The following TSPEAR variants were observed in gnomAD, a reference collection of about 807,000 sequenced individuals.
TSPEAR encodes thrombospondin type laminin G domain and EAR repeats.
A neutral mutation model predicts 71.6 loss-of-function variants in TSPEAR; 69 were observed. The observed-to-expected ratio is 0.96, with a 90% confidence interval of 0.79 to 1.18. The LOEUF is 1.18. TSPEAR is among the 50% of genes most tolerant of loss of function. The pLI is 0.00. For missense variants in TSPEAR, 971 were observed against 894.9 expected (o/e 1.09, Z -1.09); for synonymous variants, 402 against 387.2 (o/e 1.04, Z -0.45).
intron 1 of TSPEAR, among the ~76,000 whole-genome samples, chr21:44,625,238 G>T (rs797037943): frequency 2.0e-5 from 3 of 152,178 alleles, no homozygotes; most frequent in African/African-American, 7.2e-5. Flanking sequence ...TACCTTTGAA[G>T]AATGGGAGCT....
chr21:44,710,173 G>A lies in TSPEAR; in HGVS notation c.82+1260C>T, dbSNP rs1196757640. 6.6e-6 allele frequency among the ~76,000 whole-genome samples: 1 copy of A among 152,168 alleles called. No homozygotes were observed. Among genetic ancestry groups the A allele is most frequent in the Non-Finnish European group, 1.5e-5 (1 of 68,036 alleles). ...AGGCTGGCGCTGCGCCCTCCATCGC[G>A]TGAAGCCAGGGGATTTTGCTCTGCG... On this transcript the variant is annotated intron_variant, in intron 1 of 11. Coordinates refer to ENST00000323084, the MANE Select transcript of TSPEAR (RefSeq NM_144991.3). This position sits in a 1 kb window ranked among gnomAD's most constrained non-coding sequence, Gnocchi z 4.6.
At chr21:44,656,259 C>T (rs1193555053) in intron 1 of TSPEAR, among the ~76,000 whole-genome samples, 2 of 152,220 alleles carry the variant, frequency 1.3e-5, no homozygotes, top group Non-Finnish European at 1.5e-5. Flanking sequence ...GCTCCTTTAC[C>T]TTCCCCTGTT....
At position 44,710,538 on chromosome 21, in the gene TSPEAR, C is replaced by CG. The variant is rs765683433; in HGVS notation, c.82+894dup. On this transcript the variant is annotated intron_variant, in intron 1 of 11. Coordinates refer to ENST00000323084, the MANE Select transcript of TSPEAR (RefSeq NM_144991.3). The surrounding 1 kb of genome is among the most constrained non-coding windows in gnomAD (Gnocchi z 4.6). ...CGAGCAGAGAGCTGTGGCCCGGTGC[C>CG]GGGGGTGGACTTCATCTATTCCAGG... Among the ~76,000 whole-genome samples the CG allele has an allele frequency of 7.2e-4, 109 of 152,212 alleles. No homozygotes were observed. The highest frequency in any genetic ancestry group is 1.4e-3 in the Non-Finnish European group (92 of 67,990).
intron 1 of TSPEAR, chr21:44,646,386 T>G: frequency 1.3e-6 from 2 of 1,540,304 alleles, no homozygotes; most frequent in South Asian, 2.5e-5. Context: ...CCTGAGCACC[T>G]CACTCACTCA....
At position 44,617,331 on chromosome 21, in the gene TSPEAR, C is replaced by G. The variant is rs587690781; in HGVS notation, c.83-49326G>C. Among the ~76,000 whole-genome samples, 128 of 152,360 alleles carry G rather than the reference C, an allele frequency of 8.4e-4. 1 individual carries two copies. The highest frequency in any genetic ancestry group is 1.6e-3 in the Admixed American group (25 of 15,306). On this transcript the variant is annotated intron_variant, in intron 1 of 11. Coordinates refer to ENST00000323084, the MANE Select transcript of TSPEAR (RefSeq NM_144991.3). ...GCACGCTCACAGATGCTCAGGGGCG[C>G]CCTCTGCTCCAGCCCCAGGCTTGCC... is the stretch of plus-strand genomic sequence containing the variant.
At position 44,531,044 on chromosome 21, in the gene TSPEAR, A is replaced by G. The variant is rs949549090; in HGVS notation, c.632T>C (p.Met211Thr). The G allele has an allele frequency of 1.2e-6, 2 of 1,613,290 alleles. No homozygotes were observed. Among genetic ancestry groups the G allele is most frequent in the Non-Finnish European group, 1.7e-6 (2 of 1,179,850 alleles). ...GGAAGGCAGCCCCTCCATACTCGCC[A>G]TGAACAGGCCTTTGGCTCTCCTCCG... The part of the protein sequence containing the change: ...GSRRRAKGLF[M>T]GLVRQLVLLP... Residue 211 changes from methionine to threonine, a missense_variant and splice_region_variant, in exon 4 of 12, where the codon ATG becomes ACG. Physicochemically the swap from Met to Thr is moderately conservative, Grantham distance 81 (BLOSUM62 -1). Transcript: ENST00000323084.
At chr21:44,676,637 C>T (rs1986326198) in intron 1 of TSPEAR, 2 of 764,314 alleles carry the variant, frequency 2.6e-6, no homozygotes, top group South Asian at 2.7e-5. Context: ...AATTCCTGTT[C>T]TTGAACCCTA....
At chr21:44,622,628 C>T (rs915218618) in intron 1 of TSPEAR, among the ~76,000 whole-genome samples, 25 of 152,316 alleles carry the variant, frequency 1.6e-4, no homozygotes, top group African/African-American at 5.1e-4. Context: ...GGCTGTCATA[C>T]GCCGTCTTCC....
In TSPEAR at chr21:44,646,572, C is replaced by T. The variant is rs781839369; in HGVS notation, c.82+64861G>A. ...CCTGCAGCGCCCCCAGCTGCTGCGC[C>T]CCGGCCCCCTCCCTGAGCCTGGTCT... On this transcript the variant is annotated intron_variant, in intron 1 of 11. Coordinates refer to ENST00000323084, the MANE Select transcript of TSPEAR (RefSeq NM_144991.3). The T allele has an allele frequency of 2.5e-6, 4 of 1,612,404 alleles. No individual in the cohort carries two copies. The South Asian group carries it at 3.3e-5, about 13-fold the overall frequency.
At chr21:44,601,424 C>T (rs370274963) in intron 1 of TSPEAR, 15 of 1,611,722 alleles carry the variant, frequency 9.3e-6, no homozygotes, top group Middle Eastern at 1.6e-4. Context: ...TGCTGCGTGC[C>T]CGTCTGCTGT....
intron 1 of TSPEAR, among the ~76,000 whole-genome samples, chr21:44,624,843 T>C (rs1982665591): frequency 6.6e-6 from 1 of 152,198 alleles, no homozygotes; most frequent in Non-Finnish European, 1.5e-5. Context: ...GAAGAAATAT[T>C]AGACTCACTT....
At chr21:44,521,379 G>C (rs1243481975) in intron 9 of TSPEAR, among the ~76,000 whole-genome samples, 1 of 152,212 alleles carries the variant, frequency 6.6e-6, no homozygotes, top group South Asian at 2.1e-4. Context: ...CAAAGGTCTC[G>C]TGGTGGCTGG....
At chr21:44,626,230 G>A (rs1982768953) in intron 1 of TSPEAR, among the ~76,000 whole-genome samples, 1 of 152,234 alleles carries the variant, frequency 6.6e-6, no homozygotes, top group South Asian at 2.1e-4. Context: ...AATGTTCCTG[G>A]AAAGTGATCA....
At chr21:44,549,045 G>C (rs1409865268) in intron 2 of TSPEAR, among the ~76,000 whole-genome samples, 3 of 152,234 alleles carry the variant, frequency 2.0e-5, no homozygotes, top group African/African-American at 7.2e-5. Flanking sequence ...AGAGCACACA[G>C]AACAAAGGAG....
Position 44,671,244 on chromosome 21 carries a change from G to T in TSPEAR, c.82+40189C>A, listed in dbSNP as rs28522720. ...ACAACCACCACTTATATTAGGAAGT[G>T]CTGTCTGAGAGCCCAAAGGCTGTCC... is the stretch of plus-strand genomic sequence containing the variant. On this transcript the variant is annotated intron_variant, in intron 1 of 11. Coordinates refer to ENST00000323084, the MANE Select transcript of TSPEAR (RefSeq NM_144991.3). Among the ~76,000 whole-genome samples, 1,258 of 152,342 alleles carry T rather than the reference G, an allele frequency of 8.3e-3. 12 individuals are homozygous for T. The highest frequency in any genetic ancestry group is 0.028 in the African/African-American group (1,181 of 41,566).
At chr21:44,503,944 G>C (rs1376870577) in intron 11 of TSPEAR, among the ~76,000 whole-genome samples, 6 of 139,920 alleles carry the variant, frequency 4.3e-5, no homozygotes, top group Non-Finnish European at 9.2e-5. Flanking sequence ...GGGAAGCAAG[G>C]CTCTGGGAGG....
intron 1 of TSPEAR, among the ~76,000 whole-genome samples, chr21:44,652,205 G>C (rs919753825): frequency 1.3e-5 from 2 of 152,252 alleles, no homozygotes; most frequent in South Asian, 2.1e-4. Context: ...GGATGGTCTC[G>C]ATCTCCTGAC....
rs587641806 is a variant in TSPEAR, at chr21:44,628,387, C to T, written c.83-60382G>A. 2.0e-3 allele frequency: 660 copies of T among 337,230 alleles called. 4 individuals carry two copies. The highest frequency in any genetic ancestry group is 2.4e-3 in the Non-Finnish European group (417 of 177,006). 20.9% of individuals were successfully genotyped at this position (337,230 alleles called of 1,614,324 possible). A position where few individuals can be genotyped will look rare whatever the true frequency, so the allele number is the denominator to read the frequency against. On this transcript the variant is annotated intron_variant, in intron 1 of 11. Transcript: ENST00000323084. ...AAGCGTCTGCGGCCCCAGCTGACTCCGTGCTGACTCTCCGCACCCAGGGCG... is the reference window on the plus strand; with the variant it reads ...AAGCGTCTGCGGCCCCAGCTGACTCTGTGCTGACTCTCCGCACCCAGGGCG...
At chr21:44,626,468 C>G (rs782542262) in intron 1 of TSPEAR, among the ~76,000 whole-genome samples, 2 of 152,218 alleles carry the variant, frequency 1.3e-5, no homozygotes, top group African/African-American at 4.8e-5. Context: ...CCTAGCACAG[C>G]TACTTCACGG....
Sources: gnomAD v4.1 joint callset for allele counts (sites outside exome capture counted in the v4.1 genomes callset) on GRCh38, gnomAD v4.1.1 for gene constraint, Gnocchi (gnomAD v3.1) non-coding constraint, MANE v1.5 for transcripts, NCBI Gene and HGNC (gene_info 2026-07-23, HGNC 2026-07-21) for gene names.